Variants in KIFC3 observed in about 807,000 individuals in gnomAD.
KIFC3 encodes kinesin family member C3, also known as kinesin-like protein KIFC3.
KIFC3 carries 60 observed loss-of-function variants against 101.8 expected under a neutral mutation model. The ratio of observed to expected loss-of-function variants is 0.59; its 90% CI spans 0.48 to 0.73. The LOEUF (loss-of-function observed/expected upper bound fraction) is 0.73. KIFC3 is among the 30% of genes least tolerant of loss of function. KIFC3 has a pLI of 0.00. For synonymous variants in KIFC3, 476 were observed against 482.7 expected (o/e 0.99, Z 0.18); for missense variants, 966 against 1,137.1 (o/e 0.85, Z 2.16).
intron 1 of KIFC3, among the ~76,000 whole-genome samples, chr16:57,817,670 G>T (rs1582594): frequency 0.34 from 52,302 of 151,980 alleles, 9,343 homozygotes; most frequent in African/African-American, 0.39. Context: ...TAAGGCCTAC[G>T]CTAATCCAGT....
intron 3 of KIFC3, among the ~76,000 whole-genome samples, chr16:57,790,054 TTTTCTTTC>T (rs1238116970): frequency 8.4e-6 from 1 of 119,034 alleles, no homozygotes; most frequent in Non-Finnish European, 1.7e-5. Context: ...TTTGCTTTCT[TTTTCTTTC>T]TTTCTTTCTT....
At position 57,764,227 on chromosome 16, in the gene KIFC3, G is replaced by T. The variant is rs782100933; in HGVS notation, c.1533C>A (p.Ala511=). The change falls in exon 12 of 20, where the codon GCC becomes GCA. Residue 511 remains alanine (A), a synonymous_variant. Coordinates refer to ENST00000445690, the MANE Select transcript of KIFC3 (RefSeq NM_001130100.2). ...SQQDVFQEVQ[A]LVTSCIDGFN... ...AGCCATCAATGCAAGAGGTGACCAG[G>T]GCCTGCACCTCCTGGAACACCTGGG... is the stretch of plus-strand genomic sequence containing the variant. 2 of 1,610,944 alleles carry T rather than the reference G, an allele frequency of 1.2e-6. No homozygotes were observed. The highest frequency in any genetic ancestry group is 2.2e-5 in the South Asian group (2 of 90,966).
In KIFC3 at chr16:57,758,421, A is replaced by AC. The variant is rs58107917; in HGVS notation, c.*512dup. 13,630 of 364,696 alleles carry AC rather than the reference A, an allele frequency of 0.037. 587 individuals are homozygous for AC. Among genetic ancestry groups the AC allele is most frequent in the East Asian group, 0.14 (1,966 of 13,774 alleles). The allele number at this position is 364,696 out of a possible 1,614,324, so 22.6% of individuals were successfully genotyped here. On this transcript the variant is annotated 3_prime_UTR_variant, in exon 20 of 20. Coordinates refer to ENST00000445690, the MANE Select transcript of KIFC3 (RefSeq NM_001130100.2). ...GGCGGGAGGCCATGCGCCTCCGCAC[A>AC]CCCCCCAGCTGCGGGAACCCTCCTT...
intron 1 of KIFC3, among the ~76,000 whole-genome samples, chr16:57,822,086 C>T (rs1401374998): frequency 6.6e-6 from 1 of 152,066 alleles, no homozygotes; most frequent in East Asian, 1.9e-4. Context: ...AAAATAAAAA[C>T]AAAAACAAAA....
At chr16:57,849,378 T>C (rs1036285828) in intron 1 of KIFC3, among the ~76,000 whole-genome samples, 1 of 152,214 alleles carries the variant, frequency 6.6e-6, no homozygotes, top group African/African-American at 2.4e-5. Flanking sequence ...ATCAGATCGA[T>C]TGAGACAAAC....
chr16:57,820,184 C>G (rs1459892668), intron 1 of KIFC3, among the ~76,000 whole-genome samples: 1 of 152,214 alleles, frequency 6.6e-6, no homozygotes, highest in Non-Finnish European at 1.5e-5. Flanking sequence ...AATGTGGCAC[C>G]AGGCCTTTGC....
Position 57,802,080 on chromosome 16 carries a change from G to C in KIFC3, c.-40+290C>G, listed in dbSNP as rs1460515389. ...GACAAGCCCATCCCGGGTAGGGTCT[G>C]CGCTCTTCTCGTTCAATAAAATCCA... is the stretch of plus-strand genomic sequence containing the variant. On this transcript the variant is annotated intron_variant, in intron 1 of 19. Coordinates refer to ENST00000445690, the MANE Select transcript of KIFC3 (RefSeq NM_001130100.2). The surrounding 1 kb of genome is among the most constrained non-coding windows in gnomAD (Gnocchi z 5.0). Among the ~76,000 whole-genome samples, 7 of 152,358 alleles carry C rather than the reference G, an allele frequency of 4.6e-5. No homozygotes were observed. The highest frequency in any genetic ancestry group is 1.7e-4 in the African/African-American group (7 of 41,602).
intron 1 of KIFC3, 39 bp from the exon 2 acceptor site, chr16:57,798,321 G>T: frequency 1.3e-6 from 2 of 1,517,098 alleles, no homozygotes; most frequent in South Asian, 1.2e-5. Context: ...TGAAGACCGT[G>T]GACCAGCACA....
chr16:57,795,357 G>A (rs2054203193), intron 2 of KIFC3, among the ~76,000 whole-genome samples: 1 of 152,200 alleles, frequency 6.6e-6, no homozygotes, highest in African/African-American at 2.4e-5. Flanking sequence ...CTTACCAAAA[G>A]CCGCCCAAAG....
In KIFC3 at chr16:57,772,331, G is replaced by A. The variant is rs782515656; in HGVS notation, c.316-43C>T. 5.8e-6 allele frequency: 9 copies of A among 1,560,332 alleles called. No individual in the cohort carries two copies. The African/African-American group carries it at 9.5e-5, about 16-fold the overall frequency. ...GGAGCAAGGTGAGCCTCAGTCCTCA[G>A]CTCCAGCCTACACCCAGGCCTCCTG... On this transcript the variant is annotated intron_variant, in intron 3 of 19. Coordinates refer to ENST00000445690, the MANE Select transcript of KIFC3 (RefSeq NM_001130100.2).
chr16:57,843,455 C>T (rs911644804), intron 1 of KIFC3, among the ~76,000 whole-genome samples: 1 of 152,178 alleles, frequency 6.6e-6, no homozygotes, highest in Non-Finnish European at 1.5e-5. Flanking sequence ...CAGTGACTTG[C>T]TCAAGGCCCT....
chr16:57,842,663 C>T (rs746639136), intron 1 of KIFC3, among the ~76,000 whole-genome samples: 15 of 152,134 alleles, frequency 9.9e-5, no homozygotes, highest in Non-Finnish European at 1.9e-4. Flanking sequence ...CCATAACAAC[C>T]CATTATTATA....
chr16:57,770,395 C>T, intron 7 of KIFC3, 132 bp downstream of exon 7: 1 of 799,344 alleles, frequency 1.3e-6, no homozygotes, highest in Non-Finnish European at 1.8e-6. Flanking sequence ...TGCCCTGGGT[C>T]CCGTGGCCAT....
chr16:57,816,932 AC>A (rs2149270161), intron 1 of KIFC3: 1 of 358,252 alleles, frequency 2.8e-6, no homozygotes, highest in East Asian at 7.4e-5. Flanking sequence ...AATAATAATC[AC>A]AGCTAACCCT....
At position 57,761,088 on chromosome 16, in the gene KIFC3, G is replaced by T; in HGVS notation, c.1956C>A (p.Ile652=). Residue 652 remains isoleucine, a synonymous_variant, in exon 15 of 20, where the codon ATC becomes ATA. Coordinates refer to ENST00000445690, the MANE Select transcript of KIFC3 (RefSeq NM_001130100.2). The part of the protein sequence containing the change: ...EHSSRSHALL[I]VTVRGVDCST... Reference sequence around the variant, plus strand: ...TGCAGTCCACGCCTCGCACCGTCACGATGAGCAGCGCGTGCGAGCGGGAGC... The same window carrying T: ...TGCAGTCCACGCCTCGCACCGTCACTATGAGCAGCGCGTGCGAGCGGGAGC... 6.2e-7 allele frequency: 1 copy of T among 1,613,700 alleles called. No individual in the cohort carries two copies. Among genetic ancestry groups the T allele is most frequent in the Non-Finnish European group, 8.5e-7 (1 of 1,179,878 alleles).
chr16:57,803,730 G>A (rs782134337), upstream of KIFC3, among the ~76,000 whole-genome samples: 57 of 152,372 alleles, frequency 3.7e-4, no homozygotes, highest in Non-Finnish European at 7.8e-4. Context: ...ATTCCTCAGT[G>A]AAGGCCTGAT....
intron 3 of KIFC3, chr16:57,779,465 T>G (rs1555613367): frequency 6.6e-6 from 1 of 152,172 alleles, no homozygotes; most frequent in East Asian, 1.9e-4. Context: ...AGATGGATGG[T>G]GTATTAGTCA....
rs919701350 is a variant in KIFC3, at chr16:57,813,961, C to T, written c.109-15679G>A. 3.9e-5 allele frequency: 25 copies of T among 637,480 alleles called. No individual in the cohort carries two copies. In the Admixed American group the frequency reaches 6.3e-4, roughly 16 times the overall value. The allele number at this position is 637,480 out of a possible 1,614,324, so 39.5% of individuals were successfully genotyped here. On this transcript the variant is annotated intron_variant, in intron 1 of 2. Coordinates refer to the KIFC3 transcript ENST00000563028. ...TCCTGCTTATTCTTCCTGTACATCCCGCTACTGTCCTCATGCTATAGATTT... is the reference window on the plus strand; with the variant it reads ...TCCTGCTTATTCTTCCTGTACATCCTGCTACTGTCCTCATGCTATAGATTT...
chr16:57,804,885 G>A (rs2149247953), upstream of KIFC3, among the ~76,000 whole-genome samples: 1 of 148,698 alleles, frequency 6.7e-6, no homozygotes. Flanking sequence ...GTGAAGATGT[G>A]AATCACTGTG....
Sources: allele counts gnomAD v4.1 joint callset (sites outside exome capture counted in the v4.1 genomes callset), GRCh38; gene constraint gnomAD v4.1.1; non-coding constraint Gnocchi (gnomAD v3.1); transcripts MANE v1.5; gene names NCBI Gene and HGNC (gene_info 2026-07-23, HGNC 2026-07-21).